SLC25A26: variants seen among roughly 807,000 people sequenced by gnomAD.
SLC25A26 encodes mitochondrial S-adenosylmethionine carrier protein.
In SLC25A26, 36 loss-of-function variants were observed where a neutral mutation model predicts 37.8. That is an observed-to-expected ratio of 0.95 (90% CI 0.73 to 1.26). The LOEUF (loss-of-function observed/expected upper bound fraction) is 1.26, where lower values mean the gene tolerates loss of function less well. Ranked by LOEUF, SLC25A26 falls within the 50% of genes most tolerant of loss-of-function variation. SLC25A26 has a pLI of 0.00. For synonymous variants in SLC25A26, 129 were observed against 122.5 expected, an observed-to-expected ratio of 1.05 and a Z score of -0.35; for missense variants, 390 against 331.1, an observed-to-expected ratio of 1.18 and a Z score of -1.38.
upstream of SLC25A26, among the ~76,000 whole-genome samples, chr3:66,219,220 G>A (rs1039447830): frequency 1.7e-3 from 253 of 152,262 alleles, no homozygotes; most frequent in Admixed American, 2.9e-3. Flanking sequence ...GGCTGCCGGT[G>A]AGGGTTTATA....
intron 2 of SLC25A26, among the ~76,000 whole-genome samples, chr3:66,237,624 ACGCTCTTACT>A: frequency 6.6e-6 from 1 of 152,338 alleles, no homozygotes; most frequent in Middle Eastern, 3.4e-3. Context: ...GTGACTTATG[ACGCTCTTACT>A]CTTTAGTCAA....
At chr3:66,261,870 A>C (rs1020456507) in intron 3 of SLC25A26, among the ~76,000 whole-genome samples, 181 bp from the exon 4 acceptor site, 1 of 152,240 alleles carries the variant, frequency 6.6e-6, no homozygotes, top group Middle Eastern at 3.4e-3. Context: ...TGGGCTGACA[A>C]AACAATGTAC....
At chr3:66,366,755 A>C (rs1270554766) in intron 7 of SLC25A26, among the ~76,000 whole-genome samples, 2 of 152,222 alleles carry the variant, frequency 1.3e-5, no homozygotes, top group Non-Finnish European at 2.9e-5. Context: ...AAGTGGGTTT[A>C]ACAATTGGAC....
At chr3:66,256,426 A>C (rs2073304302) in intron 3 of SLC25A26, among the ~76,000 whole-genome samples, 2 of 152,158 alleles carry the variant, frequency 1.3e-5, no homozygotes, top group Admixed American at 1.3e-4. Context: ...GTCCATAATA[A>C]ATACTTTTTT....
At chr3:66,170,805 T>TTG (rs1559559158) in intron 1 of SLC25A26, among the ~76,000 whole-genome samples, 1 of 127,532 alleles carries the variant, frequency 7.8e-6, no homozygotes, top group African/African-American at 3.1e-5. Context: ...TTTTTTTTTT[T>TTG]TTTTTTTTTT....
chr3:66,367,878 C>A (rs993415044), intron 7 of SLC25A26, among the ~76,000 whole-genome samples: 4 of 152,184 alleles, frequency 2.6e-5, no homozygotes, highest in Admixed American at 1.3e-4. Context: ...GAATTTCAGA[C>A]AACCTCTGGA....
At chr3:66,312,913 C>T (rs2075424222) in intron 5 of SLC25A26, among the ~76,000 whole-genome samples, 1 of 152,154 alleles carries the variant, frequency 6.6e-6, no homozygotes, top group African/African-American at 2.4e-5. Flanking sequence ...TATGGCCTTG[C>T]TGGGAGCTAC....
intron 5 of SLC25A26, among the ~76,000 whole-genome samples, chr3:66,266,249 A>G (rs2073744917): frequency 6.6e-6 from 1 of 152,238 alleles, no homozygotes; most frequent in East Asian, 1.9e-4. Flanking sequence ...CGAATGAAAC[A>G]TAGCTTCTTC....
chr3:66,308,876 G>A (rs545400632), intron 5 of SLC25A26, among the ~76,000 whole-genome samples: 1 of 151,132 alleles, frequency 6.6e-6, no homozygotes, highest in South Asian at 2.1e-4. Context: ...TGCATCCCAG[G>A]GATGAAGCCT....
At chr3:66,307,170 T>C (rs1465360811) in intron 5 of SLC25A26, among the ~76,000 whole-genome samples, 1 of 152,234 alleles carries the variant, frequency 6.6e-6, no homozygotes, top group Non-Finnish European at 1.5e-5. Context: ...GCATCTGTTG[T>C]TTCCTGACTC....
At chr3:66,266,637 T>G (rs1267395425) in intron 5 of SLC25A26, among the ~76,000 whole-genome samples, 1 of 150,480 alleles carries the variant, frequency 6.6e-6, no homozygotes, top group East Asian at 1.9e-4. Flanking sequence ...GCTTATCCCT[T>G]ACATTCTCTG....
At chr3:66,360,884 G>T (rs74418490) in intron 6 of SLC25A26, among the ~76,000 whole-genome samples, 1 of 152,120 alleles carries the variant, frequency 6.6e-6, no homozygotes, top group Non-Finnish European at 1.5e-5. Context: ...AGGTTATTTC[G>T]TAGGAATTGA....
chr3:66,239,911 G>A (rs1387105410), intron 2 of SLC25A26, among the ~76,000 whole-genome samples: 1 of 149,406 alleles, frequency 6.7e-6, no homozygotes, highest in African/African-American at 2.5e-5. Flanking sequence ...TCAGTCTGTG[G>A]TACCTAACAA....
intron 1 of SLC25A26, among the ~76,000 whole-genome samples, chr3:66,222,723 C>T (rs1414080400): frequency 1.3e-5 from 2 of 152,162 alleles, no homozygotes; most frequent in Non-Finnish European, 2.9e-5. Context: ...AGTATTGGAG[C>T]TCATATTCCA....
intron 5 of SLC25A26, among the ~76,000 whole-genome samples, chr3:66,284,424 AT>A (rs761749903): frequency 1.6e-4 from 25 of 152,198 alleles, no homozygotes; most frequent in Non-Finnish European, 3.2e-4. Context: ...GTTTCATATG[AT>A]ACAGTAAAAC....
chr3:66,163,098 C>T (rs1444218350), intron 1 of SLC25A26, among the ~76,000 whole-genome samples: 6 of 152,094 alleles, frequency 3.9e-5, no homozygotes, highest in Admixed American at 2.6e-4. Context: ...GTGGTGTCCT[C>T]GACATCCTTG....
chr3:66,240,016 C>T (rs2072495665), intron 2 of SLC25A26, among the ~76,000 whole-genome samples: 1 of 151,988 alleles, frequency 6.6e-6, no homozygotes, highest in South Asian at 2.1e-4. Context: ...AGTGGCACTT[C>T]ATCTGGGTCC....
intron 5 of SLC25A26, among the ~76,000 whole-genome samples, chr3:66,319,566 A>G (rs1218347175): frequency 6.6e-6 from 1 of 151,912 alleles, no homozygotes; most frequent in African/African-American, 2.4e-5. Context: ...TACTGTGACT[A>G]TTTCTGCCTT....
chr3:66,258,576 G>T (rs997165227), intron 3 of SLC25A26, among the ~76,000 whole-genome samples: 1 of 152,180 alleles, frequency 6.6e-6, no homozygotes, highest in African/African-American at 2.4e-5. Context: ...TAAGATGCAG[G>T]TGAAATTTTA....
Sources: gnomAD v4.1 joint callset for allele counts (sites outside exome capture counted in the v4.1 genomes callset) on GRCh38, gnomAD v4.1.1 for gene constraint, MANE v1.5 for transcripts, NCBI Gene and HGNC (gene_info 2026-07-23, HGNC 2026-07-21) for gene names.